CSMD1: variants seen among roughly 807,000 people sequenced by gnomAD.
The protein encoded by CSMD1 is CUB and Sushi multiple domains 1, also known as CUB and sushi domain-containing protein 1.
In CSMD1, 213 loss-of-function variants were observed where a neutral mutation model predicts 417.5. The observed-to-expected ratio is 0.51, with a 90% CI of 0.46 to 0.57. CSMD1 has a LOEUF of 0.57. CSMD1 is among the 20% of genes least tolerant of loss of function. The pLI is 0.00. For synonymous variants in CSMD1, 2,862 were observed against 1,736.8 expected (o/e 1.65, Z -16.11); for missense variants, 6,923 against 4,529.7 (o/e 1.53, Z -15.17).
intron 2 of CSMD1, among the ~76,000 whole-genome samples, chr8:4,430,533 A>G (rs748999512): frequency 6.6e-6 from 1 of 152,150 alleles, no homozygotes; most frequent in African/African-American, 2.4e-5. Context: ...ACACTCTGAT[A>G]GACACTACTC....
At chr8:4,790,098 A>C (rs1436352604) in intron 1 of CSMD1, among the ~76,000 whole-genome samples, 2 of 152,176 alleles carry the variant, frequency 1.3e-5, no homozygotes, top group Non-Finnish European at 2.9e-5. Context: ...GGAAAATACT[A>C]AGCTCCATCA....
chr8:4,559,341 T>A (rs1407431529), intron 2 of CSMD1, among the ~76,000 whole-genome samples: 1 of 152,204 alleles, frequency 6.6e-6, no homozygotes, highest in African/African-American at 2.4e-5. Context: ...CAGTTTTCTG[T>A]TTCCACTCTC....
intron 10 of CSMD1, among the ~76,000 whole-genome samples, chr8:3,517,484 G>A (rs1342415966): frequency 6.6e-6 from 1 of 152,156 alleles, no homozygotes; most frequent in African/African-American, 2.4e-5. Flanking sequence ...GGTAAAGATA[G>A]TTTGATAAAA....
chr8:3,528,147 T>C (rs573687706), intron 10 of CSMD1, among the ~76,000 whole-genome samples: 73 of 152,350 alleles, frequency 4.8e-4, no homozygotes, highest in African/African-American at 1.5e-3. Flanking sequence ...GGAGCTGACA[T>C]AGAATTATTT....
intron 2 of CSMD1, 39 bp from the exon 3 acceptor site, chr8:4,420,104 A>G (rs1243103798): frequency 6.9e-7 from 1 of 1,443,458 alleles, no homozygotes; most frequent in Non-Finnish European, 9.4e-7. Context: ...AGTTAAAAGC[A>G]TGAATTTGTC....
chr8:3,984,728 T>C (rs1383020192), intron 5 of CSMD1, among the ~76,000 whole-genome samples: 1 of 118,364 alleles, frequency 8.4e-6, no homozygotes, highest in Non-Finnish European at 1.8e-5. Flanking sequence ...TATATATATA[T>C]ATATATATAT....
intron 1 of CSMD1, among the ~76,000 whole-genome samples, chr8:4,893,956 T>C (rs1804302210): frequency 6.6e-6 from 1 of 152,160 alleles, no homozygotes; most frequent in Admixed American, 6.5e-5. Context: ...AAGCTTTTTG[T>C]CTTTTTTTTA....
intron 2 of CSMD1, among the ~76,000 whole-genome samples, chr8:4,427,325 T>G (rs926631875): frequency 1.3e-5 from 2 of 152,118 alleles, no homozygotes; most frequent in African/African-American, 4.8e-5. Context: ...CTGGATGCAG[T>G]GAGTTACATG....
In CSMD1 at chr8:3,399,401, T is replaced by G; in HGVS notation, c.2395A>C (p.Thr799Pro). 1 of 1,602,908 alleles carries G rather than the reference T, an allele frequency of 6.2e-7. No individual in the cohort carries two copies. The highest frequency in any genetic ancestry group is 8.5e-7 in the Non-Finnish European group (1 of 1,175,180). Reference protein sequence around the residue: ...EAKPGHSIKITFDRFQTEVNY... With the variant: ...EAKPGHSIKIPFDRFQTEVNY... ...TAATTTTTTTCTTACCTGTCAAAAG[T>G]TATTTTGATAGAGTGGCCTGGTTTT... The change falls in exon 16 of 70, where the codon ACT (threonine) becomes CCT (proline). Residue 799 changes from threonine to proline, a missense_variant. Transcript: ENST00000635120.
intron 5 of CSMD1, among the ~76,000 whole-genome samples, chr8:3,975,274 G>C (rs902289004): frequency 1.3e-5 from 2 of 152,116 alleles, no homozygotes; most frequent in Non-Finnish European, 2.9e-5. Context: ...GCTTGGGGTT[G>C]TTGCTATTTT....
intron 2 of CSMD1, among the ~76,000 whole-genome samples, chr8:4,491,571 T>A (rs1294080402): frequency 6.6e-6 from 1 of 152,050 alleles, no homozygotes; most frequent in Non-Finnish European, 1.5e-5. Context: ...TTAAAAAAAG[T>A]GGGCAAAAGG....
At chr8:3,924,584 A>C (rs1302650902) in intron 5 of CSMD1, among the ~76,000 whole-genome samples, 1 of 152,090 alleles carries the variant, frequency 6.6e-6, no homozygotes, top group African/African-American at 2.4e-5. Context: ...TGACTGGATA[A>C]TTTTAAATGA....
intron 7 of CSMD1, among the ~76,000 whole-genome samples, chr8:3,691,999 G>C (rs1423097796): frequency 1.3e-5 from 2 of 152,148 alleles, no homozygotes; most frequent in South Asian, 2.1e-4. Context: ...CATGAGACAG[G>C]ATGCTGGGCA....
intron 12 of CSMD1, among the ~76,000 whole-genome samples, chr8:3,452,863 T>C (rs189009905): frequency 6.6e-6 from 1 of 152,350 alleles, no homozygotes; most frequent in East Asian, 1.9e-4. Context: ...CCTCTTTTTC[T>C]ATTGATTGGA....
At chr8:3,249,564 C>A (rs749981281) in intron 26 of CSMD1, among the ~76,000 whole-genome samples, 1 of 151,924 alleles carries the variant, frequency 6.6e-6, no homozygotes, top group African/African-American at 2.4e-5. Context: ...CTCAAATGAT[C>A]AAGTCTCAAA....
intron 5 of CSMD1, among the ~76,000 whole-genome samples, chr8:3,824,549 C>T (rs754795742): frequency 2.0e-5 from 3 of 152,210 alleles, no homozygotes; most frequent in Non-Finnish European, 4.4e-5. Flanking sequence ...TTAACATGCA[C>T]TGCAAGGGCA....
intron 57 of CSMD1, among the ~76,000 whole-genome samples, chr8:2,971,897 G>C (rs865790183): frequency 6.6e-6 from 1 of 152,074 alleles, no homozygotes; most frequent in Non-Finnish European, 1.5e-5. Context: ...ATACTACTTT[G>C]ATTGTCAAGA....
At chr8:3,599,132 T>C (rs1239733809) in intron 8 of CSMD1, among the ~76,000 whole-genome samples, 1 of 134,226 alleles carries the variant, frequency 7.5e-6, no homozygotes, top group Non-Finnish European at 1.5e-5. Flanking sequence ...CTGCTGTGTG[T>C]GTGTGTGTGT....
intron 3 of CSMD1, among the ~76,000 whole-genome samples, chr8:4,144,427 G>C (rs899042556): frequency 3.3e-5 from 5 of 151,126 alleles, no homozygotes; most frequent in South Asian, 2.1e-4. Context: ...CTGAAGTGAA[G>C]AATCACATTT....
Sources: allele counts gnomAD v4.1 joint callset (sites outside exome capture counted in the v4.1 genomes callset), GRCh38; gene constraint gnomAD v4.1.1; transcripts MANE v1.5; gene names NCBI Gene and HGNC (gene_info 2026-07-23, HGNC 2026-07-21).